Variants in DENND1B observed in about 807,000 individuals in gnomAD.
DENND1B encodes the protein DENN domain containing 1B, also known as DENN domain-containing protein 1B.
A neutral mutation model predicts 90.1 loss-of-function variants in DENND1B; 59 were observed. The ratio of observed to expected loss-of-function variants is 0.65; its 90% CI spans 0.53 to 0.81. The LOEUF (loss-of-function observed/expected upper bound fraction) is 0.81. DENND1B is among the 40% of genes least tolerant of loss of function. The pLI is 0.00. For synonymous variants in DENND1B, 337 were observed against 324.6 expected, an observed-to-expected ratio of 1.04 and a Z score of -0.41; for missense variants, 862 against 912.6, an observed-to-expected ratio of 0.94 and a Z score of 0.71.
intron 3 of DENND1B, 142 bp from the exon 4 acceptor site, chr1:197,674,311 A>C: frequency 1.6e-6 from 1 of 631,282 alleles, no homozygotes; most frequent in East Asian, 2.8e-5. Flanking sequence ...CTAGACTAAA[A>C]TAATTGATTA....
chr1:197,680,646 T>C (rs1478793422), intron 3 of DENND1B, among the ~76,000 whole-genome samples: 2 of 152,144 alleles, frequency 1.3e-5, no homozygotes, highest in Admixed American at 6.5e-5. Context: ...TTTTAAAGTA[T>C]GTGTTTTATT....
chr1:197,729,710 C>A (rs1231046277), intron 2 of DENND1B, among the ~76,000 whole-genome samples: 1 of 152,174 alleles, frequency 6.6e-6, no homozygotes, highest in Non-Finnish European at 1.5e-5. Context: ...TAATGTACAG[C>A]ACAGTACCTC....
Position 197,507,941 on chromosome 1 carries a change from A to AAAACTTTGTTTTTAAAATAG in DENND1B, c.*2518_*2519insCTATTTTAAAAACAAAGTTT. On this transcript the variant is annotated 3_prime_UTR_variant, in exon 23 of 23. Coordinates refer to ENST00000620048, the MANE Select transcript of DENND1B (RefSeq NM_001195215.2). ...CTGCCTTTGTTTTTAAAATAGAATA[A>AAAACTTTGTTTTTAAAATAG]AACTGCTAATTTTGCATTAAAATAA... 6.6e-6 allele frequency: 1 copy of AAAACTTTGTTTTTAAAATAG among 151,654 alleles called. No homozygotes were observed. Among genetic ancestry groups the AAAACTTTGTTTTTAAAATAG allele is most frequent in the Non-Finnish European group, 1.5e-5 (1 of 67,722 alleles). The allele number at this position is 151,654 out of a possible 1,614,324, so 9.4% of individuals were successfully genotyped here.
At chr1:197,632,479 A>G (rs563391200) in intron 10 of DENND1B, among the ~76,000 whole-genome samples, 15 of 152,244 alleles carry the variant, frequency 9.9e-5, no homozygotes, top group African/African-American at 3.6e-4. Context: ...CTGCCACTCT[A>G]TCTCCTAATA....
Position 197,763,154 on chromosome 1 carries a change from T to C in DENND1B, c.82+9714A>G, listed in dbSNP as rs1655303900. 2.0e-5 allele frequency among the ~76,000 whole-genome samples: 3 copies of C among 152,064 alleles called. No homozygotes were observed. The South Asian group carries it at 6.2e-4, about 32-fold the overall frequency. Reference sequence around the variant, plus strand: ...AGTGAGACCCCATCTGTACAAAAAATGTAAAAATTAGCCAGACATGGTGAC... The same window carrying C: ...AGTGAGACCCCATCTGTACAAAAAACGTAAAAATTAGCCAGACATGGTGAC... On this transcript the variant is annotated intron_variant, in intron 2 of 22. Transcript: ENST00000620048.
intron 13 of DENND1B, among the ~76,000 whole-genome samples, chr1:197,600,050 C>T (rs1676059946): frequency 6.6e-6 from 1 of 151,694 alleles, no homozygotes; most frequent in South Asian, 2.1e-4. Context: ...GTTATCTCTC[C>T]TCTCCCTCTT....
chr1:197,556,247 T>G (rs555757755), intron 15 of DENND1B, among the ~76,000 whole-genome samples: 19 of 152,078 alleles, frequency 1.2e-4, no homozygotes, highest in African/African-American at 2.4e-4. Flanking sequence ...AACTACTTAT[T>G]GGGTACTATG....
chr1:197,618,317 T>C (rs1197483250), intron 10 of DENND1B, among the ~76,000 whole-genome samples: 1 of 151,096 alleles, frequency 6.6e-6, no homozygotes, highest in African/African-American at 2.4e-5. Context: ...ATCAAGAGAC[T>C]CTGTTCACTG....
intron 2 of DENND1B, among the ~76,000 whole-genome samples, chr1:197,751,169 T>C (rs574973318): frequency 1.3e-5 from 2 of 152,306 alleles, no homozygotes; most frequent in East Asian, 1.9e-4. Flanking sequence ...TTAACCAAGA[T>C]AGACCACCTC....
At chr1:197,547,204 G>A (rs1444601010) in intron 16 of DENND1B, among the ~76,000 whole-genome samples, 1 of 152,028 alleles carries the variant, frequency 6.6e-6, no homozygotes, top group Non-Finnish European at 1.5e-5. Flanking sequence ...GGAGTTCAAG[G>A]TTGCAGTGTG....
chr1:197,662,457 T>C (rs1373961763), intron 5 of DENND1B, among the ~76,000 whole-genome samples: 1 of 152,082 alleles, frequency 6.6e-6, no homozygotes, highest in Non-Finnish European at 1.5e-5. Flanking sequence ...AGCTATGGAA[T>C]GGCAATCTTG....
intron 2 of DENND1B, chr1:197,736,099 GA>G: frequency 2.7e-6 from 2 of 738,158 alleles, no homozygotes; most frequent in Non-Finnish European, 2.4e-6. Context: ...CGAGTTGGTG[GA>G]AAACGCTAAA....
intron 16 of DENND1B, among the ~76,000 whole-genome samples, chr1:197,550,460 C>T (rs2125679377): frequency 6.6e-6 from 1 of 152,118 alleles, no homozygotes; most frequent in South Asian, 2.1e-4. Flanking sequence ...GGCACATATA[C>T]ACCATGGAAT....
At chr1:197,651,022 T>TA (rs1653097566) in intron 7 of DENND1B, among the ~76,000 whole-genome samples, 1 of 152,002 alleles carries the variant, frequency 6.6e-6, no homozygotes, top group Admixed American at 6.5e-5. Context: ...ATGGAAAAAT[T>TA]AAAAAATTAA....
chr1:197,591,162 C>T (rs1675165818), intron 14 of DENND1B, among the ~76,000 whole-genome samples: 1 of 152,116 alleles, frequency 6.6e-6, no homozygotes, highest in Non-Finnish European at 1.5e-5. Flanking sequence ...GTTTCCCATA[C>T]ATTTAGAAGT....
intron 2 of DENND1B, among the ~76,000 whole-genome samples, chr1:197,715,535 C>A (rs1461772877): frequency 1.3e-5 from 2 of 151,656 alleles, no homozygotes; most frequent in African/African-American, 4.8e-5. Context: ...TTTAAAATTC[C>A]AATTAAGATT....
rs1680684287 is a variant in DENND1B, at chr1:197,645,839, T to C, written c.508-96A>G. ...TCAGAAAAAAATATATTGAGTAAATTAAAAAATGCCATGGACTGACATTCA... is the reference window on the plus strand; with the variant it reads ...TCAGAAAAAAATATATTGAGTAAATCAAAAAATGCCATGGACTGACATTCA... On this transcript the variant is annotated intron_variant, in intron 8 of 22. Transcript: ENST00000620048. 15 of 774,540 alleles carry C rather than the reference T, an allele frequency of 1.9e-5. 1 individual carries two copies. The South Asian group carries it at 3.7e-4, about 19-fold the overall frequency. 48.0% of individuals were successfully genotyped at this position (774,540 alleles called of 1,614,324 possible). A position where few individuals can be genotyped will look rare whatever the true frequency, so the allele number is the denominator to read the frequency against.
intron 2 of DENND1B, among the ~76,000 whole-genome samples, chr1:197,727,735 A>T (rs1217874897): frequency 6.6e-6 from 1 of 152,138 alleles, no homozygotes; most frequent in Admixed American, 6.5e-5. Flanking sequence ...AAATTGCCAT[A>T]TATCTTAGAT....
chr1:197,517,915 TC>T, intron 20 of DENND1B, among the ~76,000 whole-genome samples: 2 of 117,804 alleles, frequency 1.7e-5, no homozygotes, highest in South Asian at 7.2e-4. Flanking sequence ...CCCCCCAGCC[TC>T]CCCATGTTTT....
Sources: allele counts gnomAD v4.1 joint callset (sites outside exome capture counted in the v4.1 genomes callset), GRCh38; gene constraint gnomAD v4.1.1; transcripts MANE v1.5; gene names NCBI Gene and HGNC (gene_info 2026-07-23, HGNC 2026-07-21).